The following RSPO2 variants were observed in gnomAD, a reference collection of about 807,000 sequenced individuals.
RSPO2 encodes R-spondin-2.
In RSPO2, 14 loss-of-function variants were observed where a neutral mutation model predicts 30.9. That is an observed-to-expected ratio of 0.45 (90% confidence interval 0.30 to 0.71). The LOEUF is 0.71. Ranked by LOEUF, RSPO2 falls within the 30% of genes least tolerant of loss-of-function variation. The pLI, the probability that RSPO2 is intolerant of heterozygous loss-of-function variation, is 0.08. For synonymous variants in RSPO2, 107 were observed against 96.4 expected (o/e 1.11, Z -0.64); for missense variants, 264 against 301.9 (o/e 0.87, Z 0.93).
At chr8:108,068,070 AAAAC>A (rs1563589238) in intron 2 of RSPO2, among the ~76,000 whole-genome samples, 2 of 152,190 alleles carry the variant, frequency 1.3e-5, no homozygotes, top group African/African-American at 2.4e-5. Context: ...CTCCGTCTCA[AAAAC>A]AAACAAAAAA....
intron 5 of RSPO2, among the ~76,000 whole-genome samples, chr8:107,944,142 A>C (rs1433359984): frequency 6.6e-6 from 1 of 152,206 alleles, no homozygotes; most frequent in East Asian, 1.9e-4. Context: ...TCTCTGGTTT[A>C]TTATCTTGGA....
chr8:108,018,805 C>T (rs892119838), intron 2 of RSPO2, among the ~76,000 whole-genome samples: 2 of 152,052 alleles, frequency 1.3e-5, no homozygotes, highest in African/African-American at 4.8e-5. Context: ...GCCAGTACTC[C>T]GAATTTCATA....
intron 3 of RSPO2, among the ~76,000 whole-genome samples, chr8:107,981,537 A>C (rs1033597623): frequency 1.3e-5 from 2 of 151,806 alleles, no homozygotes; most frequent in African/African-American, 4.8e-5. Context: ...GAAAGAAAGA[A>C]AGACAAGAAA....
At chr8:107,903,583 C>T (rs989756806) in intron 5 of RSPO2, among the ~76,000 whole-genome samples, 2 of 152,010 alleles carry the variant, frequency 1.3e-5, no homozygotes, top group East Asian at 3.8e-4. Flanking sequence ...AGTTGGTAAT[C>T]CTGGCCAAAA....
chr8:107,969,647 C>T lies in RSPO2; in HGVS notation c.284-8830G>A, dbSNP rs560991176. The stretch of plus-strand genomic sequence containing the variant: ...TTAAAATGAACACATTTGCTAAGAA[C>T]GTTAAATGCTTAAAGAGAATTTTTT... On this transcript the variant is annotated intron_variant, in intron 3 of 5. Transcript: ENST00000276659. Among the ~76,000 whole-genome samples the T allele has an allele frequency of 7.2e-4, 109 of 152,102 alleles. 4 individuals are homozygous for T. In the South Asian group the frequency reaches 0.022, roughly 31 times the overall value.
chr8:108,025,104 T>TACACAC (rs978306724), intron 2 of RSPO2, among the ~76,000 whole-genome samples: 17 of 151,972 alleles, frequency 1.1e-4, no homozygotes, highest in African/African-American at 4.1e-4. Flanking sequence ...TAAATGTGTA[T>TACACAC]ACACACACAC....
chr8:107,975,252 G>A (rs1814167462), intron 3 of RSPO2, among the ~76,000 whole-genome samples: 1 of 152,188 alleles, frequency 6.6e-6, no homozygotes, highest in African/African-American at 2.4e-5. Context: ...AAATAGGAAT[G>A]CCTTCATTAA....
intron 2 of RSPO2, among the ~76,000 whole-genome samples, chr8:108,054,825 G>T (rs571038792): frequency 2.0e-5 from 3 of 152,122 alleles, no homozygotes; most frequent in African/African-American, 4.8e-5. Flanking sequence ...TACAGAAAAC[G>T]GAAAAGGGCT....
chr8:107,937,169 T>TC (rs1491219807), intron 5 of RSPO2, among the ~76,000 whole-genome samples: 1 of 149,840 alleles, frequency 6.7e-6, no homozygotes, highest in East Asian at 2.0e-4. Context: ...TTTTTTTTTT[T>TC]ATATGGGGAG....
intron 2 of RSPO2, among the ~76,000 whole-genome samples, chr8:108,058,185 A>G (rs1274917741): frequency 6.6e-6 from 1 of 152,174 alleles, no homozygotes; most frequent in Admixed American, 6.5e-5. Flanking sequence ...CAAAAATCAC[A>G]AGCATTCTTA....
chr8:107,930,506 G>A (rs769432882), intron 5 of RSPO2, among the ~76,000 whole-genome samples: 3 of 152,182 alleles, frequency 2.0e-5, no homozygotes, highest in Non-Finnish European at 4.4e-5. Context: ...ACTGATGAAT[G>A]TTGTAGGTTT....
intron 2 of RSPO2, among the ~76,000 whole-genome samples, chr8:108,036,701 GT>G (rs1332839486): frequency 1.3e-5 from 2 of 152,186 alleles, no homozygotes; most frequent in Admixed American, 1.3e-4. Flanking sequence ...TGGGAGGAAG[GT>G]TGTTGTTTTA....
rs978000474 is a variant in RSPO2, at chr8:107,960,579, G to A, written c.427+95C>T. 3 of 1,197,076 alleles carry A rather than the reference G, an allele frequency of 2.5e-6. No homozygotes were observed. The African/African-American group carries it at 4.7e-5, about 19-fold the overall frequency. The allele number at this position is 1,197,076 out of a possible 1,614,324, so 74.2% of individuals were successfully genotyped here. A position where few individuals can be genotyped will look rare whatever the true frequency, so the allele number is the denominator to read the frequency against. On this transcript the variant is annotated intron_variant, in intron 4 of 5. Transcript: ENST00000276659. ...TTCTACTGAACAAGAGAACCAATTTGTTTCTTAGTTTAAATATATCCAGCA... is the reference window on the plus strand; with the variant it reads ...TTCTACTGAACAAGAGAACCAATTTATTTCTTAGTTTAAATATATCCAGCA...
intron 2 of RSPO2, among the ~76,000 whole-genome samples, chr8:108,048,586 T>C (rs1401904061): frequency 1.3e-5 from 2 of 152,174 alleles, no homozygotes; most frequent in African/African-American, 4.8e-5. Flanking sequence ...TTGTTAGCGG[T>C]CTATCAATTT....
chr8:108,064,784 C>G (rs966024270), intron 2 of RSPO2, among the ~76,000 whole-genome samples: 1 of 152,126 alleles, frequency 6.6e-6, no homozygotes, highest in African/African-American at 2.4e-5. Context: ...AAATGTCCAA[C>G]AATGATAGAC....
At chr8:107,968,614 G>A (rs551077287) in intron 3 of RSPO2, among the ~76,000 whole-genome samples, 1 of 152,000 alleles carries the variant, frequency 6.6e-6, no homozygotes, top group Non-Finnish European at 1.5e-5. Context: ...AAAAATAAAT[G>A]TTTGAGGTGA....
In RSPO2 at chr8:108,001,680, A is replaced by C. The variant is rs145178814; in HGVS notation, c.95-12436T>G. On this transcript the variant is annotated intron_variant, in intron 2 of 5. Transcript: ENST00000276659. ...TTGCTCATTTTTCCAGAAAGAGATG[A>C]TGTTTTTGAAACAAGGGAAGAATCA... is the stretch of plus-strand genomic sequence containing the variant. Among the ~76,000 whole-genome samples, 45 of 152,306 alleles carry C rather than the reference A, an allele frequency of 3.0e-4. No homozygotes were observed. The East Asian group carries it at 6.4e-3, about 22-fold the overall frequency.
intron 3 of RSPO2, among the ~76,000 whole-genome samples, chr8:107,969,388 T>C (rs918984506): frequency 1.3e-5 from 2 of 152,160 alleles, no homozygotes; most frequent in African/African-American, 4.8e-5. Context: ...TCACAACAGT[T>C]CACTTTTTAA....
At chr8:108,060,948 A>T (rs998923748) in intron 2 of RSPO2, among the ~76,000 whole-genome samples, 1 of 151,772 alleles carries the variant, frequency 6.6e-6, no homozygotes, top group Non-Finnish European at 1.5e-5. Context: ...TTCATAAGTG[A>T]AGGAGAAATA....
Sources: gnomAD v4.1 joint callset for allele counts (sites outside exome capture counted in the v4.1 genomes callset) on GRCh38, gnomAD v4.1.1 for gene constraint, MANE v1.5 for transcripts, NCBI Gene and HGNC (gene_info 2026-07-23, HGNC 2026-07-21) for gene names.